Variants in FGD4 observed in about 807,000 individuals in gnomAD.
FGD4 encodes FYVE, RhoGEF and PH domain-containing protein 4.
In FGD4, 42 loss-of-function variants were observed where a neutral mutation model predicts 102.0. The observed-to-expected ratio is 0.41, with a 90% CI of 0.32 to 0.53. The LOEUF is 0.53. FGD4 is among the 20% of genes least tolerant of loss of function. FGD4 has a pLI of 0.21. For synonymous variants in FGD4, 380 were observed against 375.7 expected, an observed-to-expected ratio of 1.01 and a Z score of -0.13; for missense variants, 902 against 1,078.2, an observed-to-expected ratio of 0.84 and a Z score of 2.29.
At chr12:32,601,864 T>C (rs1197486108) in intron 6 of FGD4, among the ~76,000 whole-genome samples, 1 of 152,004 alleles carries the variant, frequency 6.6e-6, no homozygotes, top group African/African-American at 2.4e-5. Context: ...CCCAGCACTT[T>C]AGGAGGCCAA....
chr12:32,567,531 A>G lies in FGD4; in HGVS notation c.319+3242A>G, dbSNP rs115108044. Among the ~76,000 whole-genome samples, 969 of 152,242 alleles carry G rather than the reference A, an allele frequency of 6.4e-3. 17 individuals carry two copies. Among genetic ancestry groups the G allele is most frequent in the African/African-American group, 0.022 (924 of 41,538 alleles). ...TAGGGCTGTTGCTCTACATCCTGCA[A>G]TGCACGGGACAGTCCACAACAAAGA... On this transcript the variant is annotated intron_variant, in intron 2 of 16. Coordinates refer to ENST00000534526, the MANE Select transcript of FGD4 (RefSeq NM_001370298.3).
chr12:32,442,999 G>A (rs183432208), intron 1 of FGD4, among the ~76,000 whole-genome samples: 36 of 152,214 alleles, frequency 2.4e-4, no homozygotes, highest in Admixed American at 2.3e-3. Context: ...GTCTATTCAG[G>A]TATTTTGCCC....
At chr12:32,487,422 T>TG (rs916138764) in intron 1 of FGD4, among the ~76,000 whole-genome samples, 1 of 135,470 alleles carries the variant, frequency 7.4e-6, no homozygotes, top group African/African-American at 2.7e-5. Context: ...TTGTTATTAT[T>TG]TGTTATTATT....
At chr12:32,515,086 A>G (rs1939759548) in intron 1 of FGD4, among the ~76,000 whole-genome samples, 1 of 152,192 alleles carries the variant, frequency 6.6e-6, no homozygotes, top group South Asian at 2.1e-4. Flanking sequence ...TAACATTTAG[A>G]TTGAACAGAA....
chr12:32,625,908 G>C (rs992352564), intron 14 of FGD4, 129 bp downstream of exon 14: 12 of 1,262,156 alleles, frequency 9.5e-6, no homozygotes, highest in Admixed American at 5.1e-5. Context: ...TGCCAATTAC[G>C]TGCAGAGGAC....
Position 32,410,322 on chromosome 12 carries a change from C to T in FGD4, c.166+10363C>T, listed in dbSNP as rs1025468045. The stretch of plus-strand genomic sequence containing the variant: ...CAGCCTGGGCGACACAGCGAGATTC[C>T]GTCTCAAAAAAAAAAAAATTGCCAG... On this transcript the variant is annotated intron_variant, in intron 1 of 16. Coordinates refer to ENST00000534526, the MANE Select transcript of FGD4 (RefSeq NM_001370298.3). Among the ~76,000 whole-genome samples, 11 of 148,702 alleles carry T rather than the reference C, an allele frequency of 7.4e-5. No individual in the cohort carries two copies. In the South Asian group the frequency reaches 1.3e-3, roughly 18 times the overall value.
chr12:32,625,061 A>G lies in FGD4; in HGVS notation c.2039A>G (p.Glu680Gly). Residue 680 changes from glutamate to glycine, a missense_variant, in exon 13 of 17, where the codon GAG (glutamate) becomes GGG (glycine). By Grantham distance (98) the Glu-to-Gly change is moderately conservative. Transcript: ENST00000534526. ...AIAKDNDIHS[E>G]VSTAELGKRA... ...GCAAAGGATAATGACATTCACTCAG[A>G]GGTTTCTGTGAGTTGAATTAAATTC... The G allele has an allele frequency of 2.5e-6, 4 of 1,612,032 alleles. No homozygotes were observed. Among genetic ancestry groups the G allele is most frequent in the Non-Finnish European group, 3.4e-6 (4 of 1,178,640 alleles).
chr12:32,583,133 T>G (rs1199908739), intron 4 of FGD4, among the ~76,000 whole-genome samples: 2 of 152,126 alleles, frequency 1.3e-5, no homozygotes, highest in East Asian at 3.9e-4. Context: ...GCCCAGTAAT[T>G]CAAGACCAGT....
At chr12:32,623,255 T>A (rs1038008840) in intron 11 of FGD4, among the ~76,000 whole-genome samples, 2 of 152,208 alleles carry the variant, frequency 1.3e-5, no homozygotes, top group African/African-American at 4.8e-5. Context: ...TGGGTTTCTC[T>A]GCATTTGAAA....
At chr12:32,633,786 G>C (rs1950633440) in intron 15 of FGD4, 97 bp downstream of exon 15, 1 of 1,117,762 alleles carries the variant, frequency 8.9e-7, no homozygotes, top group South Asian at 1.4e-5. Flanking sequence ...CACGATCTCA[G>C]CTCACTGCAA....
chr12:32,451,834 C>CAAAAAAAAAAAAAAA lies in FGD4; in HGVS notation c.166+51891_166+51905dup, dbSNP rs60760923. Among the ~76,000 whole-genome samples the CAAAAAAAAAAAAAAA allele has an allele frequency of 1.2e-3, 28 of 24,150 alleles. 3 individuals carry two copies. Among genetic ancestry groups the CAAAAAAAAAAAAAAA allele is most frequent in the South Asian group, 6.8e-3 (2 of 294 alleles). The allele number at this position is 24,150 out of a possible 152,430, so 15.8% of individuals were successfully genotyped here. On this transcript the variant is annotated intron_variant, in intron 1 of 16. Transcript: ENST00000534526. ...GGGCAACAAAAGCGAAACTCCATCT[C>CAAAAAAAAAAAAAAA]AAAAAAAAAAAAAAAAAAAAAAAAA...
At chr12:32,563,293 C>G (rs1385943355) in intron 1 of FGD4, among the ~76,000 whole-genome samples, 3 of 149,226 alleles carry the variant, frequency 2.0e-5, no homozygotes, top group Non-Finnish European at 4.4e-5. Context: ...ACGGGGCGGC[C>G]GGGCAGAGAC....
At chr12:32,602,437 A>C (rs1674435353) in intron 7 of FGD4, 120 bp downstream of exon 7, 2 of 1,135,424 alleles carry the variant, frequency 1.8e-6, no homozygotes, top group South Asian at 2.6e-5. Flanking sequence ...AATTCATTCT[A>C]CTCCAAATTA....
At chr12:32,406,986 T>A (rs1005002900) in intron 1 of FGD4, among the ~76,000 whole-genome samples, 1 of 151,720 alleles carries the variant, frequency 6.6e-6, no homozygotes. Context: ...CTAATTTTTG[T>A]ATTTTTAGTA....
intron 4 of FGD4, among the ~76,000 whole-genome samples, chr12:32,597,530 C>A (rs192057211): frequency 1.8e-4 from 27 of 152,240 alleles, no homozygotes; most frequent in African/African-American, 6.5e-4. Flanking sequence ...AAATGTCCAG[C>A]AATAGTTAGG....
intron 4 of FGD4, among the ~76,000 whole-genome samples, chr12:32,594,772 C>G (rs1947746141): frequency 6.6e-6 from 1 of 152,202 alleles, no homozygotes; most frequent in Non-Finnish European, 1.5e-5. Flanking sequence ...TGGCTCATGC[C>G]TGTAATCCCA....
intron 1 of FGD4, chr12:32,534,570 C>A: frequency 2.2e-6 from 2 of 898,086 alleles, no homozygotes; most frequent in Non-Finnish European, 3.1e-6. Flanking sequence ...ACACTGCATG[C>A]CGAGGGATGT....
At chr12:32,446,422 CGGG>C (rs1194616245) in intron 1 of FGD4, among the ~76,000 whole-genome samples, 2 of 151,942 alleles carry the variant, frequency 1.3e-5, no homozygotes. Flanking sequence ...ATGATGAATA[CGGG>C]GGTTATGTCT....
intron 8 of FGD4, among the ~76,000 whole-genome samples, chr12:32,609,743 TCCAGCA>T (rs1216970522): frequency 1.3e-5 from 2 of 152,162 alleles, no homozygotes; most frequent in Admixed American, 6.6e-5. Context: ...ATGCATTCTG[TCCAGCA>T]GTACACTGAA....
Sources: allele counts gnomAD v4.1 joint callset (sites outside exome capture counted in the v4.1 genomes callset), GRCh38; gene constraint gnomAD v4.1.1; transcripts MANE v1.5; gene names NCBI Gene and HGNC (gene_info 2026-07-23, HGNC 2026-07-21).